GPHN: variants seen among roughly 807,000 people sequenced by gnomAD.
GPHN encodes gephyrin.
GPHN carries 17 observed loss-of-function variants against 95.5 expected under a neutral mutation model. The ratio of observed to expected loss-of-function variants is 0.18; its 90% CI spans 0.12 to 0.27. The LOEUF (loss-of-function observed/expected upper bound fraction) is 0.27, where lower values mean the gene tolerates loss of function less well. Ranked by LOEUF, GPHN falls within the 10% of genes least tolerant of loss-of-function variation. The probability of loss-of-function intolerance (pLI) is 1.00; values close to 1 mark genes in which losing one functional copy is unlikely to be tolerated. For missense variants in GPHN, 660 were observed against 978.1 expected (o/e 0.67, Z 4.34); for synonymous variants, 320 against 322.5 (o/e 0.99, Z 0.08).
rs1288559458 is a variant in GPHN, at chr14:67,181,419, G to A, written c.*482G>A. The A allele has an allele frequency of 7.9e-6, 4 of 506,536 alleles. No individual in the cohort carries two copies. Among genetic ancestry groups the A allele is most frequent in the Middle Eastern group, 2.9e-4 (1 of 3,390 alleles). 31.4% of individuals were successfully genotyped at this position (506,536 alleles called of 1,614,324 possible). On this transcript the variant is annotated 3_prime_UTR_variant, in exon 23 of 23. Transcript: ENST00000478722. ...CATGTATCTCGTGTTTATGTGCACA[G>A]TGCCAAAAGAAGACTGACTGGGTGG...
At chr14:67,199,835 C>G in the GPHN span, 1 of 1,498,468 alleles carries the variant, frequency 6.7e-7, no homozygotes, top group African/African-American at 1.4e-5. Flanking sequence ...TGGGATACCC[C>G]CAGCCATGCC....
intron 2 of GPHN, among the ~76,000 whole-genome samples, chr14:66,735,182 A>T (rs2072144140): frequency 6.6e-6 from 1 of 152,190 alleles, no homozygotes; most frequent in South Asian, 2.1e-4. Flanking sequence ...GAAAACTCTT[A>T]GGGATACCAT....
intron 3 of GPHN, among the ~76,000 whole-genome samples, chr14:66,811,565 CAA>C (rs1250855324): frequency 7.2e-6 from 1 of 138,770 alleles, no homozygotes; most frequent in Non-Finnish European, 1.5e-5. Flanking sequence ...AAAAAAGAAA[CAA>C]AATATAAGAA....
intron 1 of GPHN, among the ~76,000 whole-genome samples, chr14:66,641,561 C>T (rs1419037737): frequency 6.7e-6 from 1 of 149,782 alleles, no homozygotes; most frequent in Non-Finnish European, 1.5e-5. Context: ...TTGATAGAAG[C>T]AAAAGAACTG....
chr14:66,665,641 C>T (rs1050887516), intron 1 of GPHN, among the ~76,000 whole-genome samples: 2 of 152,192 alleles, frequency 1.3e-5, no homozygotes, highest in African/African-American at 4.8e-5. Flanking sequence ...AACACTTTTA[C>T]ACTGTTGGTG....
At chr14:67,659,820 G>C in the GPHN span, 5 of 1,614,102 alleles carry the variant, frequency 3.1e-6, no homozygotes, top group Non-Finnish European at 4.2e-6. Flanking sequence ...CTCACCTCCC[G>C]ATGGAGTTTA....
At chr14:66,886,474 G>A (rs529654882) in intron 5 of GPHN, among the ~76,000 whole-genome samples, 1 of 151,974 alleles carries the variant, frequency 6.6e-6, no homozygotes, top group East Asian at 1.9e-4. Flanking sequence ...TCTAAGTCAT[G>A]ATGAGCATCC....
Position 66,961,900 on chromosome 14 carries a change from G to GTATATATATATATATGTGTATATA in GPHN, c.829-3276_829-3275insGTGTATATATATATATATATATAT, listed in dbSNP as rs2068930764. On this transcript the variant is annotated intron_variant, in intron 8 of 22. Coordinates refer to ENST00000478722, the MANE Select transcript of GPHN (RefSeq NM_020806.5). ...AACCAACCATTCTATCCCTGAATGT[G>GTATATATATATATATGTGTATATA]TATATATATATATATATATATATAT... 1.7e-4 allele frequency among the ~76,000 whole-genome samples: 9 copies of GTATATATATATATATGTGTATATA among 53,008 alleles called. 1 individual carries two copies. The highest frequency in any genetic ancestry group is 4.9e-4 in the African/African-American group (9 of 18,554). 34.8% of individuals were successfully genotyped at this position (53,008 alleles called of 152,430 possible). A position where few individuals can be genotyped will look rare whatever the true frequency, so the allele number is the denominator to read the frequency against.
chr14:66,815,766 C>G (rs1229603500), intron 3 of GPHN, among the ~76,000 whole-genome samples: 2 of 152,082 alleles, frequency 1.3e-5, no homozygotes, highest in Admixed American at 1.3e-4. Flanking sequence ...TGCAAAGTAA[C>G]CAGCTAACAT....
the GPHN span, among the ~76,000 whole-genome samples, chr14:67,369,537 A>G: frequency 1.3e-5 from 2 of 152,252 alleles, no homozygotes; most frequent in African/African-American, 4.8e-5. Context: ...TCAAGTGTGC[A>G]TGACATTCAC....
the GPHN span, among the ~76,000 whole-genome samples, chr14:67,560,505 C>A: frequency 7.2e-5 from 11 of 152,190 alleles, no homozygotes; most frequent in Admixed American, 7.2e-4. Context: ...AAACTCTGTA[C>A]CTGCTAAACA....
the GPHN span, among the ~76,000 whole-genome samples, chr14:67,530,434 G>A: frequency 2.0e-5 from 3 of 152,190 alleles, no homozygotes; most frequent in Admixed American, 1.3e-4. Flanking sequence ...CAAGGAACAA[G>A]GCCCAGACTA....
the GPHN span, chr14:67,621,088 C>A: frequency 1.1e-6 from 1 of 895,788 alleles, no homozygotes; most frequent in Non-Finnish European, 1.8e-6. Context: ...CATCCCGCAT[C>A]CTCCTTTGGA....
intron 6 of GPHN, among the ~76,000 whole-genome samples, chr14:66,919,310 A>C (rs183509222): frequency 2.4e-4 from 36 of 152,262 alleles, no homozygotes; most frequent in Admixed American, 2.4e-3. Flanking sequence ...ATCTTTATTC[A>C]TTGTATTTTC....
At chr14:67,073,740 G>A (rs2076394592) in intron 11 of GPHN, among the ~76,000 whole-genome samples, 1 of 151,986 alleles carries the variant, frequency 6.6e-6, no homozygotes, top group Admixed American at 6.6e-5. Context: ...CTTACATAAA[G>A]CTTATTTTAT....
chr14:67,045,477 GTC>G (rs1263643795), intron 10 of GPHN, among the ~76,000 whole-genome samples: 1 of 141,238 alleles, frequency 7.1e-6, no homozygotes, highest in Non-Finnish European at 1.5e-5. Flanking sequence ...CTGTTTCTCT[GTC>G]TCTCTGTGTG....
rs753194260 is a variant in GPHN, at chr14:67,179,692, A to G, written c.2176+18A>G. ...GAGTACAGGTTAGTCATTCACATCT[A>G]CAGATATTCCTAGACACCTATCCTG... On this transcript the variant is annotated intron_variant, in intron 22 of 22. Transcript: ENST00000478722. The G allele has an allele frequency of 1.6e-6, 2 of 1,253,724 alleles. No individual in the cohort carries two copies. Among genetic ancestry groups the G allele is most frequent in the Non-Finnish European group, 1.2e-6 (1 of 850,396 alleles). 77.7% of individuals were successfully genotyped at this position (1,253,724 alleles called of 1,614,324 possible).
intron 1 of GPHN, among the ~76,000 whole-genome samples, chr14:66,591,046 C>T (rs191023058): frequency 3.3e-4 from 50 of 152,102 alleles, no homozygotes; most frequent in African/African-American, 7.9e-4. Flanking sequence ...ACCGAAGCAA[C>T]GATGAAAACC....
intron 21 of GPHN, among the ~76,000 whole-genome samples, chr14:67,172,517 G>A (rs1456542405): frequency 1.3e-5 from 2 of 152,222 alleles, no homozygotes; most frequent in East Asian, 3.9e-4. Flanking sequence ...GGCCTGAGCT[G>A]AAGCAGCACA....
Sources: allele counts gnomAD v4.1 joint callset (sites outside exome capture counted in the v4.1 genomes callset), GRCh38; gene constraint gnomAD v4.1.1; transcripts MANE v1.5; gene names NCBI Gene and HGNC (gene_info 2026-07-23, HGNC 2026-07-21).